Variants in SEL1L3 observed in about 807,000 individuals in gnomAD.
The protein encoded by SEL1L3 is SEL1L family member 3.
A neutral mutation model predicts 142.8 loss-of-function variants in SEL1L3; 76 were observed. The observed-to-expected ratio is 0.53, with a 90% CI of 0.44 to 0.64. SEL1L3 has a LOEUF of 0.64. Among genes scored for constraint, SEL1L3 ranks in the 30% least tolerant of loss-of-function variants. The pLI, the probability that SEL1L3 is intolerant of heterozygous loss-of-function variation, is 0.00. For missense variants in SEL1L3, 1,262 were observed against 1,381.7 expected (o/e 0.91, Z 1.37); for synonymous variants, 504 against 519.6 (o/e 0.97, Z 0.41).
intron 18 of SEL1L3, 23 bp from the exon 19 acceptor site, chr4:25,767,632 A>G: frequency 1.9e-6 from 3 of 1,547,634 alleles, no homozygotes; most frequent in Non-Finnish European, 1.8e-6. Flanking sequence ...GGGAAGAAAA[A>G]GTTAATTCAT....
chr4:25,857,161 T>C (rs531210976), intron 1 of SEL1L3, among the ~76,000 whole-genome samples: 1 of 152,292 alleles, frequency 6.6e-6, no homozygotes, highest in East Asian at 1.9e-4. Flanking sequence ...CTACTAGATA[T>C]AAGCAAAAAT....
At chr4:25,740,487 A>G in the SEL1L3 span, among the ~76,000 whole-genome samples, 1 of 151,414 alleles carries the variant, frequency 6.6e-6, no homozygotes, top group Non-Finnish European at 1.5e-5. Context: ...ATGGTTTTCT[A>G]TGACAACCAT....
downstream of SEL1L3, among the ~76,000 whole-genome samples, chr4:25,744,048 C>T (rs1717190067): frequency 6.6e-6 from 1 of 152,154 alleles, no homozygotes; most frequent in Admixed American, 6.6e-5. Flanking sequence ...CATGAATTGA[C>T]AATTAGCTTA....
the SEL1L3 span, chr4:25,718,886 T>C: frequency 6.6e-6 from 1 of 152,202 alleles, no homozygotes; most frequent in African/African-American, 2.4e-5. Flanking sequence ...GTAGTAAGTA[T>C]TATTACTAGG....
At chr4:25,765,502 G>A in intron 19 of SEL1L3, 67 bp from the exon 20 acceptor site, 2 of 1,043,918 alleles carry the variant, frequency 1.9e-6, no homozygotes, top group South Asian at 1.3e-5. Flanking sequence ...TTAAATTATT[G>A]GCGCATTCAC....
chr4:25,836,747 G>A (rs1034380288), intron 2 of SEL1L3, among the ~76,000 whole-genome samples: 1 of 152,166 alleles, frequency 6.6e-6, no homozygotes, highest in Non-Finnish European at 1.5e-5. Context: ...GGGCCTCTTG[G>A]AGAGAGAAGA....
At chr4:25,761,334 T>G (rs974117085) in intron 20 of SEL1L3, among the ~76,000 whole-genome samples, 1 of 152,176 alleles carries the variant, frequency 6.6e-6, no homozygotes, top group African/African-American at 2.4e-5. Context: ...TTTTGTATTT[T>G]CAGTAGAGAC....
At chr4:25,798,092 G>A (rs6843334) in intron 11 of SEL1L3, among the ~76,000 whole-genome samples, 1,729 of 152,248 alleles carry the variant, frequency 0.011, 29 homozygotes, top group African/African-American at 0.038. Flanking sequence ...TTGGTGTTGC[G>A]AGTTTGGTTG....
rs988704635 is a variant in SEL1L3 at position 25,811,845 on chromosome 4, A to T, written c.1564+6293T>A. ...TGTGCAGTAATTTATATATTGGAGA[A>T]AGTCTGGTTTAACCGGAATTTAAAA... On this transcript the variant is annotated intron_variant, in intron 9 of 23. Coordinates refer to ENST00000399878, the MANE Select transcript of SEL1L3 (RefSeq NM_015187.5). Among the ~76,000 whole-genome samples, 3 of 151,798 alleles carry T rather than the reference A, an allele frequency of 2.0e-5. No homozygotes were observed. In the East Asian group the frequency reaches 5.8e-4, roughly 29 times the overall value.
At chr4:25,748,736 C>T (rs564504787) in intron 23 of SEL1L3, among the ~76,000 whole-genome samples, 172 bp from the exon 24 acceptor site, 1 of 152,270 alleles carries the variant, frequency 6.6e-6, no homozygotes, top group South Asian at 2.1e-4. Context: ...AAGATGCCAC[C>T]ACATGCTGAC....
At chr4:25,817,243 A>G (rs1254922645) in intron 9 of SEL1L3, among the ~76,000 whole-genome samples, 1 of 152,192 alleles carries the variant, frequency 6.6e-6, no homozygotes, top group Admixed American at 6.5e-5. Flanking sequence ...ACAATGTAAG[A>G]CACCAATCTT....
At chr4:25,775,905 C>A (rs559375172) in intron 17 of SEL1L3, among the ~76,000 whole-genome samples, 14 of 152,230 alleles carry the variant, frequency 9.2e-5, no homozygotes, top group African/African-American at 3.4e-4. Context: ...GGTAGAAATT[C>A]TGGACTTTCT....
chr4:25,771,780 AG>A (rs1268493569), intron 17 of SEL1L3, among the ~76,000 whole-genome samples: 4 of 152,248 alleles, frequency 2.6e-5, no homozygotes, highest in African/African-American at 9.6e-5. Flanking sequence ...AAACACATGT[AG>A]GGGTAAGGCA....
At chr4:25,785,738 C>A (rs1577599756) in intron 13 of SEL1L3, among the ~76,000 whole-genome samples, 1 of 152,136 alleles carries the variant, frequency 6.6e-6, no homozygotes, top group Non-Finnish European at 1.5e-5. Flanking sequence ...AGGAGACAAG[C>A]TTTCTGGACT....
At chr4:25,857,402 A>G (rs1437727549) in intron 1 of SEL1L3, among the ~76,000 whole-genome samples, 2 of 152,166 alleles carry the variant, frequency 1.3e-5, no homozygotes, top group Non-Finnish European at 2.9e-5. Context: ...ACATCACACA[A>G]AGCTACCTAA....
intron 23 of SEL1L3, chr4:25,756,715 C>T: frequency 9.1e-7 from 1 of 1,101,354 alleles, no homozygotes; most frequent in Admixed American, 3.9e-5. Flanking sequence ...TAGTGGAAAC[C>T]ATGCTCAGCT....
intron 11 of SEL1L3, among the ~76,000 whole-genome samples, chr4:25,793,152 A>G (rs1315420921): frequency 6.6e-6 from 1 of 152,216 alleles, no homozygotes; most frequent in African/African-American, 2.4e-5. Flanking sequence ...AACATCAGAT[A>G]GTTCTTCAAA....
chr4:25,761,830 A>C (rs1481605003), intron 20 of SEL1L3, among the ~76,000 whole-genome samples: 1 of 152,254 alleles, frequency 6.6e-6, no homozygotes, highest in Non-Finnish European at 1.5e-5. Context: ...CACTTGCTGG[A>C]AAGATTTCAG....
chr4:25,787,203 C>T (rs1259466516), intron 13 of SEL1L3, among the ~76,000 whole-genome samples: 1 of 152,182 alleles, frequency 6.6e-6, no homozygotes, highest in Non-Finnish European at 1.5e-5. Context: ...CCTTTGTCTC[C>T]ATGTAAATGA....
Sources: gnomAD v4.1 joint callset for allele counts (sites outside exome capture counted in the v4.1 genomes callset) on GRCh38, gnomAD v4.1.1 for gene constraint, MANE v1.5 for transcripts, NCBI Gene and HGNC (gene_info 2026-07-23, HGNC 2026-07-21) for gene names.